Variants in MACROD2 observed in about 807,000 individuals in gnomAD.
MACROD2 encodes the protein mono-ADP ribosylhydrolase 2, also known as ADP-ribose glycohydrolase MACROD2.
Under a neutral mutation model 70.4 loss-of-function variants are expected in MACROD2, and 36 were observed. That is an observed-to-expected ratio of 0.51 (90% confidence interval 0.39 to 0.68). MACROD2 has a LOEUF of 0.68. Among genes scored for constraint, MACROD2 ranks in the 30% least tolerant of loss-of-function variants. MACROD2 has a pLI of 0.00. For missense variants in MACROD2, 496 were observed against 538.4 expected (o/e 0.92, Z 0.78); for synonymous variants, 172 against 178.8 (o/e 0.96, Z 0.30).
chr20:16,006,383 T>C (rs1212578364), intron 15 of MACROD2, among the ~76,000 whole-genome samples: 1 of 152,196 alleles, frequency 6.6e-6, no homozygotes, highest in Non-Finnish European at 1.5e-5. Flanking sequence ...CCTTTGGTTG[T>C]TGGAAACTAG....
rs79365916 is a variant in MACROD2, at chr20:14,003,186, C to T, written c.163+782C>T. The stretch of plus-strand genomic sequence containing the variant: ...AATTTCAAAGGTTGTGGTCTTAGAT[C>T]GATGGAACTACACCGGGTACTATGG... On this transcript the variant is annotated intron_variant, in intron 2 of 17. Transcript: ENST00000684519. 4.4e-3 allele frequency among the ~76,000 whole-genome samples: 668 copies of T among 152,134 alleles called. 4 individuals carry two copies. The highest frequency in any genetic ancestry group is 0.015 in the African/African-American group (636 of 41,504).
At chr20:15,234,092 C>G (rs1238855997) in intron 6 of MACROD2, among the ~76,000 whole-genome samples, 1 of 116,082 alleles carries the variant, frequency 8.6e-6, no homozygotes, top group Admixed American at 9.8e-5. Flanking sequence ...AGTGCAGTGG[C>G]GCAATCTCGG....
At chr20:14,772,341 A>T (rs966452852) in intron 5 of MACROD2, among the ~76,000 whole-genome samples, 6 of 152,062 alleles carry the variant, frequency 3.9e-5, no homozygotes, top group Non-Finnish European at 8.8e-5. Context: ...CACACAGCTG[A>T]TAAAGACATA....
At chr20:15,816,107 C>T (rs867716137) in intron 8 of MACROD2, among the ~76,000 whole-genome samples, 1 of 151,900 alleles carries the variant, frequency 6.6e-6, no homozygotes, top group Non-Finnish European at 1.5e-5. Context: ...AATACATATA[C>T]ATCACATATA....
At chr20:15,035,521 A>G (rs1257684081) in intron 5 of MACROD2, among the ~76,000 whole-genome samples, 1 of 152,012 alleles carries the variant, frequency 6.6e-6, no homozygotes, top group Non-Finnish European at 1.5e-5. Flanking sequence ...ATTTGATCTT[A>G]TCTCAAGCCA....
At chr20:15,268,521 G>A (rs934206883) in intron 6 of MACROD2, among the ~76,000 whole-genome samples, 5 of 152,114 alleles carry the variant, frequency 3.3e-5, no homozygotes, top group African/African-American at 7.2e-5. Flanking sequence ...AGGTGTGGTC[G>A]TGGGCGCCTG....
At chr20:14,429,468 A>T (rs1236930508) in intron 3 of MACROD2, among the ~76,000 whole-genome samples, 1 of 152,240 alleles carries the variant, frequency 6.6e-6, no homozygotes, top group East Asian at 1.9e-4. Context: ...AAAGAGATCA[A>T]GTAATGATCA....
chr20:14,113,460 A>G (rs1056110890), intron 3 of MACROD2, among the ~76,000 whole-genome samples: 1 of 152,110 alleles, frequency 6.6e-6, no homozygotes, highest in Non-Finnish European at 1.5e-5. Flanking sequence ...AAATGAATAT[A>G]TAAGTATAGG....
chr20:15,382,311 G>A (rs1327095623), intron 6 of MACROD2, among the ~76,000 whole-genome samples: 1 of 152,016 alleles, frequency 6.6e-6, no homozygotes. Context: ...AAATAAAACT[G>A]GATATCCCAG....
intron 5 of MACROD2, chr20:14,929,389 T>G (rs2074271243): frequency 6.6e-6 from 1 of 152,140 alleles, no homozygotes; most frequent in Non-Finnish European, 1.5e-5. Context: ...GTCAGTTGAT[T>G]ATAAAGCACA....
At chr20:15,211,211 T>C (rs1334226940) in intron 5 of MACROD2, among the ~76,000 whole-genome samples, 1 of 152,206 alleles carries the variant, frequency 6.6e-6, no homozygotes, top group East Asian at 1.9e-4. Flanking sequence ...CTCTTTTGTC[T>C]CTGTTTTCCT....
intron 5 of MACROD2, among the ~76,000 whole-genome samples, chr20:15,116,052 A>T (rs760262114): frequency 3.9e-5 from 6 of 152,204 alleles, no homozygotes; most frequent in African/African-American, 9.7e-5. Flanking sequence ...TAGAATTAAA[A>T]TTTTTTGACT....
intron 3 of MACROD2, among the ~76,000 whole-genome samples, chr20:14,380,690 A>G (rs1211159384): frequency 6.6e-6 from 1 of 152,006 alleles, no homozygotes; most frequent in Non-Finnish European, 1.5e-5. Flanking sequence ...GTCTCTTCAT[A>G]CCCTTGCCAA....
chr20:14,995,187 T>C (rs1184192158), intron 5 of MACROD2, among the ~76,000 whole-genome samples: 1 of 152,134 alleles, frequency 6.6e-6, no homozygotes, highest in African/African-American at 2.4e-5. Flanking sequence ...ATTTTAGAGA[T>C]AAGATATGGA....
At chr20:15,016,631 T>C (rs1236152781) in intron 5 of MACROD2, among the ~76,000 whole-genome samples, 2 of 152,026 alleles carry the variant, frequency 1.3e-5, no homozygotes, top group East Asian at 3.9e-4. Flanking sequence ...TCTCTTGCCA[T>C]GTGTATTAGT....
intron 2 of MACROD2, among the ~76,000 whole-genome samples, chr20:14,073,657 A>T (rs1005490277): frequency 5.3e-5 from 8 of 152,224 alleles, no homozygotes; most frequent in Non-Finnish European, 1.0e-4. Context: ...TAGGTAAGCT[A>T]TACAGGACAC....
At chr20:14,372,581 A>G (rs1397458410) in intron 3 of MACROD2, among the ~76,000 whole-genome samples, 1 of 152,068 alleles carries the variant, frequency 6.6e-6, no homozygotes, top group Non-Finnish European at 1.5e-5. Flanking sequence ...TAAAGAAGGG[A>G]TATGTATTAA....
chr20:15,785,904 G>A (rs1252716704), intron 8 of MACROD2, among the ~76,000 whole-genome samples: 5 of 152,014 alleles, frequency 3.3e-5, no homozygotes, highest in Admixed American at 2.0e-4. Context: ...AAAGCAGATG[G>A]ACATCATATA....
chr20:14,801,244 T>C (rs535298142), intron 5 of MACROD2, among the ~76,000 whole-genome samples: 2 of 152,134 alleles, frequency 1.3e-5, no homozygotes, highest in African/African-American at 2.4e-5. Context: ...CCGTTTCCCC[T>C]GCGCCCCTCA....
Sources: allele counts gnomAD v4.1 joint callset (sites outside exome capture counted in the v4.1 genomes callset), GRCh38; gene constraint gnomAD v4.1.1; transcripts MANE v1.5; gene names NCBI Gene and HGNC (gene_info 2026-07-23, HGNC 2026-07-21).